Variants in BRSK2 observed in about 807,000 individuals in gnomAD.
BRSK2 encodes the protein serine/threonine-protein kinase BRSK2.
BRSK2 carries 19 observed loss-of-function variants against 83.3 expected under a neutral mutation model. The ratio of observed to expected loss-of-function variants is 0.23; its 90% CI spans 0.16 to 0.33. The LOEUF (loss-of-function observed/expected upper bound fraction) is 0.33. Among genes scored for constraint, BRSK2 ranks in the 10% least tolerant of loss-of-function variants. The probability of loss-of-function intolerance (pLI) is 1.00; values close to 1 mark genes in which losing one functional copy is unlikely to be tolerated. For missense variants in BRSK2, 798 were observed against 1,042.3 expected (o/e 0.77, Z 3.23); for synonymous variants, 519 against 435.4 (o/e 1.19, Z -2.39).
At chr11:1,425,301 TC>T (rs1849086340) in intron 1 of BRSK2, among the ~76,000 whole-genome samples, 1 of 152,060 alleles carries the variant, frequency 6.6e-6, no homozygotes, top group African/African-American at 2.4e-5. Flanking sequence ...AGGGGCTGCT[TC>T]CTGGGGGGTC....
intron 8 of BRSK2, 38 bp downstream of exon 8, chr11:1,443,673 C>T (rs1333092806): frequency 2.3e-5 from 35 of 1,508,260 alleles, no homozygotes; most frequent in Middle Eastern, 2.0e-4. Context: ...CAGAGCGTGG[C>T]GGGGGGGCGC....
chr11:1,427,832 G>T (rs575657565), intron 1 of BRSK2, among the ~76,000 whole-genome samples: 1 of 152,192 alleles, frequency 6.6e-6, no homozygotes, highest in African/African-American at 2.4e-5. Context: ...TCCAGGCTAC[G>T]GCCCAGTCAG....
chr11:1,411,150 C>A (rs1847448740), intron 1 of BRSK2: 1 of 1,222,894 alleles, frequency 8.2e-7, no homozygotes. Flanking sequence ...GGTGGGGGCT[C>A]CAGTCTCAGG....
At chr11:1,408,061 G>A (rs1451577255) in intron 1 of BRSK2, among the ~76,000 whole-genome samples, 1 of 152,210 alleles carries the variant, frequency 6.6e-6, no homozygotes, top group Non-Finnish European at 1.5e-5. Context: ...TTCCACTCCA[G>A]AATCCACCTT....
chr11:1,423,141 C>T lies in BRSK2; in HGVS notation c.92-12899C>T, dbSNP rs1319643827. Among the ~76,000 whole-genome samples the T allele has an allele frequency of 6.6e-6, 1 of 152,176 alleles. No individual in the cohort carries two copies. The highest frequency in any genetic ancestry group is 1.5e-5 in the Non-Finnish European group (1 of 68,024). Reference sequence around the variant, plus strand: ...TCCCCAAGAGCTGTGCCTCCATGTACCTCAGGGCCTCCCCCAGAGCGGTGC... The same window carrying T: ...TCCCCAAGAGCTGTGCCTCCATGTATCTCAGGGCCTCCCCCAGAGCGGTGC... On this transcript the variant is annotated intron_variant, in intron 1 of 19. Coordinates refer to ENST00000528841, the MANE Select transcript of BRSK2 (RefSeq NM_001256627.2). This position sits in a 1 kb window ranked among gnomAD's most constrained non-coding sequence, Gnocchi z 6.5.
Position 1,438,560 on chromosome 11 carries a change from C to T in BRSK2, c.272+169C>T, listed in dbSNP as rs903327213. On this transcript the variant is annotated intron_variant, in intron 3 of 19. Coordinates refer to ENST00000528841, the MANE Select transcript of BRSK2 (RefSeq NM_001256627.2). This position sits in a 1 kb window ranked among gnomAD's most constrained non-coding sequence, Gnocchi z 6.4. ...AACACCTGCCTGGGTAGGGTCTCAG[C>T]CCAGGCTGCTGTGGTCTCTGCTTCT... Among the ~76,000 whole-genome samples, 2 of 152,152 alleles carry T rather than the reference C, an allele frequency of 1.3e-5. No homozygotes were observed. The highest frequency in any genetic ancestry group is 2.9e-5 in the Non-Finnish European group (2 of 68,008).
rs760134141 is a variant in BRSK2 at position 1,440,899 on chromosome 11, G to A, written c.384G>A (p.Ala128=). ...AGTTCTTCCGGCAGATCATCTCTGC[G>A]CTGGACTTCTGCCACAGCCACTCCA... The part of the protein sequence containing the change: ...ARKFFRQIIS[A]LDFCHSHSIC... Residue 128 remains alanine (A), a synonymous_variant, in exon 4 of 20, where the codon GCG becomes GCA. Coordinates refer to ENST00000528841, the MANE Select transcript of BRSK2 (RefSeq NM_001256627.2). 106 of 1,609,066 alleles carry A rather than the reference G, an allele frequency of 6.6e-5. No individual in the cohort carries two copies. Among genetic ancestry groups the A allele is most frequent in the South Asian group, 2.3e-4 (21 of 90,724 alleles).
Position 1,454,973 on chromosome 11 carries a change from G to A in BRSK2, c.1668+365G>A, listed in dbSNP as rs1229832956. Among the ~76,000 whole-genome samples, 1 of 152,158 alleles carries A rather than the reference G, an allele frequency of 6.6e-6. No individual in the cohort carries two copies. Among genetic ancestry groups the A allele is most frequent in the Non-Finnish European group, 1.5e-5 (1 of 68,018 alleles). On this transcript the variant is annotated intron_variant, in intron 16 of 19. Transcript: ENST00000528841. This position sits in a 1 kb window ranked among gnomAD's most constrained non-coding sequence, Gnocchi z 5.2. Reference sequence around the variant, plus strand: ...ACATTTCCATCAGACTCGGGGAGAAGCCCTTGTGAGGCCATGGCCCTAGGG... The same window carrying A: ...ACATTTCCATCAGACTCGGGGAGAAACCCTTGTGAGGCCATGGCCCTAGGG...
chr11:1,461,343 C>A lies in BRSK2; in HGVS notation c.*620C>A. ...GCCTCCTCGCAGGCCCGTGCCCCGCCTCCCTGGCTGCGCCGCCTCCGTGTA... is the reference window on the plus strand; with the variant it reads ...GCCTCCTCGCAGGCCCGTGCCCCGCATCCCTGGCTGCGCCGCCTCCGTGTA... On this transcript the variant is annotated 3_prime_UTR_variant, in exon 20 of 20. Transcript: ENST00000528841. The A allele has an allele frequency of 2.8e-6, 1 of 357,826 alleles. No homozygotes were observed. Among genetic ancestry groups the A allele is most frequent in the Non-Finnish European group, 5.1e-6 (1 of 196,686 alleles). The allele number at this position is 357,826 out of a possible 1,614,324, so 22.2% of individuals were successfully genotyped here.
At chr11:1,446,359 A>AGGGCT (rs1023226755) in intron 12 of BRSK2, among the ~76,000 whole-genome samples, 1 of 99,286 alleles carries the variant, frequency 1.0e-5, no homozygotes, top group Non-Finnish European at 2.0e-5. Flanking sequence ...TGAGCTGGGC[A>AGGGCT]GGGCTGGGCT....
At chr11:1,415,339 C>T (rs1847991280) in intron 1 of BRSK2, among the ~76,000 whole-genome samples, 2 of 152,094 alleles carry the variant, frequency 1.3e-5, no homozygotes. Flanking sequence ...CATGATCCGC[C>T]CGTCTGGGCC....
chr11:1,397,657 G>A (rs1031254200), intron 1 of BRSK2, among the ~76,000 whole-genome samples: 16 of 152,330 alleles, frequency 1.1e-4, no homozygotes, highest in Admixed American at 6.5e-4. Context: ...AGGTCCCATC[G>A]GTTGGCATGT....
At chr11:1,455,571 A>G (rs1302873824) in intron 16 of BRSK2, among the ~76,000 whole-genome samples, 1 of 151,986 alleles carries the variant, frequency 6.6e-6, no homozygotes, top group Non-Finnish European at 1.5e-5. Context: ...AGAAGGCTCC[A>G]GGGCCAGGAG....
In BRSK2 at chr11:1,442,486, C is replaced by T. The variant is rs746983629; in HGVS notation, c.414-4C>T. ...CTGTTCAGCCTCACCACCCTCCTCC[C>T]CAGCCACAGGGATCTGAAACCTGAA... On this transcript the variant is annotated splice_polypyrimidine_tract_variant and splice_region_variant and intron_variant, in intron 4 of 19. Transcript: ENST00000528841. 50 of 1,611,254 alleles carry T rather than the reference C, an allele frequency of 3.1e-5. No individual in the cohort carries two copies. The South Asian group carries it at 5.2e-4, about 17-fold the overall frequency.
intron 1 of BRSK2, among the ~76,000 whole-genome samples, chr11:1,402,189 G>A (rs909881436): frequency 2.0e-5 from 3 of 152,344 alleles, no homozygotes; most frequent in Admixed American, 1.3e-4. Flanking sequence ...CTGACCTTGC[G>A]CTCTCCAGAG....
At chr11:1,407,455 C>A (rs1442724140) in intron 1 of BRSK2, among the ~76,000 whole-genome samples, 1 of 152,148 alleles carries the variant, frequency 6.6e-6, no homozygotes, top group Non-Finnish European at 1.5e-5. Context: ...GCACGGGCCT[C>A]CCCTCCGAGG....
intron 15 of BRSK2, among the ~76,000 whole-genome samples, chr11:1,453,287 G>T (rs970318306): frequency 6.6e-6 from 1 of 152,250 alleles, no homozygotes; most frequent in Non-Finnish European, 1.5e-5. Flanking sequence ...TCCCTGGGCC[G>T]TCAGGCATCT....
intron 2 of BRSK2, among the ~76,000 whole-genome samples, chr11:1,437,109 G>A (rs145000883): frequency 2.6e-5 from 4 of 152,150 alleles, no homozygotes; most frequent in African/African-American, 7.2e-5. Context: ...CCAGGACAGC[G>A]CCTGGCAGAG....
intron 1 of BRSK2, among the ~76,000 whole-genome samples, chr11:1,435,073 A>T: frequency 6.6e-6 from 1 of 151,296 alleles, no homozygotes; most frequent in Non-Finnish European, 1.5e-5. Context: ...CCTGCCTTTT[A>T]GGTGGGTCTG....
Sources: allele counts gnomAD v4.1 joint callset (sites outside exome capture counted in the v4.1 genomes callset), GRCh38; gene constraint gnomAD v4.1.1; non-coding constraint Gnocchi (gnomAD v3.1); transcripts MANE v1.5; gene names NCBI Gene and HGNC (gene_info 2026-07-23, HGNC 2026-07-21).